The following USP35 variants were observed in gnomAD, a reference collection of about 807,000 sequenced individuals.
USP35 encodes ubiquitin specific peptidase 35.
USP35 carries 69 observed loss-of-function variants against 83.8 expected under a neutral mutation model. The ratio of observed to expected loss-of-function variants is 0.82; its 90% confidence interval spans 0.68 to 1.01. The LOEUF (loss-of-function observed/expected upper bound fraction) is 1.01. Ranked by LOEUF, USP35 falls within the 50% of genes least tolerant of loss-of-function variation. The pLI is 0.00. For missense variants in USP35, 1,503 were observed against 1,362.5 expected, an observed-to-expected ratio of 1.10 and a Z score of -1.62; for synonymous variants, 714 against 589.5, an observed-to-expected ratio of 1.21 and a Z score of -3.06.
At chr11:78,221,600 G>T in the USP35 span, 1 of 805,806 alleles carries the variant, frequency 1.2e-6, no homozygotes, top group Non-Finnish European at 2.1e-6. Context: ...AGTTAGCTAA[G>T]CTGGGAAGTG....
At chr11:78,213,411 G>C (rs539098804) in intron 10 of USP35, among the ~76,000 whole-genome samples, 75 of 152,308 alleles carry the variant, frequency 4.9e-4, no homozygotes, top group African/African-American at 1.7e-3. Context: ...CAGCTAGTCA[G>C]TCACACCCTA....
At chr11:78,201,064 A>G (rs1343167861) in intron 6 of USP35, among the ~76,000 whole-genome samples, 1 of 152,160 alleles carries the variant, frequency 6.6e-6, no homozygotes, top group Non-Finnish European at 1.5e-5. Flanking sequence ...CTTCTCTGTC[A>G]GTGTAGTATG....
chr11:78,206,182 CAG>C lies in USP35; in HGVS notation c.1391+152_1391+153del, dbSNP rs1459522690. 3 of 1,095,696 alleles carry C rather than the reference CAG, an allele frequency of 2.7e-6. No individual in the cohort carries two copies. The East Asian group carries it at 7.4e-5, about 27-fold the overall frequency. 67.9% of individuals were successfully genotyped at this position (1,095,696 alleles called of 1,614,324 possible). A position where few individuals can be genotyped will look rare whatever the true frequency, so the allele number is the denominator to read the frequency against. Reference sequence around the variant, plus strand: ...CATGATTCCCTGAGGTCTGTGGGGACAGAGAGCCTCAGGCCATTGCCAAGGCA... The same window carrying C: ...CATGATTCCCTGAGGTCTGTGGGGACAGAGCCTCAGGCCATTGCCAAGGCA... On this transcript the variant is annotated intron_variant, in intron 7 of 10. Coordinates refer to ENST00000529308, the MANE Select transcript of USP35 (RefSeq NM_020798.4).
chr11:78,226,894 C>T, the USP35 span: 1 of 1,614,056 alleles, frequency 6.2e-7, no homozygotes, highest in Admixed American at 1.7e-5. Context: ...TCTCTGAATT[C>T]TGTATTGTGC....
At chr11:78,236,526 GT>G in the USP35 span, among the ~76,000 whole-genome samples, 2 of 152,220 alleles carry the variant, frequency 1.3e-5, no homozygotes, top group South Asian at 4.1e-4. Context: ...GTAAGAACAG[GT>G]ACTTTCTCCT....
chr11:78,189,808 C>T (rs572818458), intron 1 of USP35, among the ~76,000 whole-genome samples: 1 of 152,350 alleles, frequency 6.6e-6, no homozygotes, highest in South Asian at 2.1e-4. Context: ...TGCTTTTTAC[C>T]AGTGAAACCC....
the USP35 span, among the ~76,000 whole-genome samples, chr11:78,236,431 A>T: frequency 6.6e-6 from 1 of 152,180 alleles, no homozygotes; most frequent in East Asian, 1.9e-4. Flanking sequence ...GATTACAGGC[A>T]TGAACCACCA....
chr11:78,214,377 T>TGAGG lies in USP35; in HGVS notation c.*564_*565insGAGG, dbSNP rs139748612. ...CCTTACCAAGCGCCACTGCATGGTT[T>TGAGG]TGGGGGGGGGGGCGGGGGGCTAGCT... On this transcript the variant is annotated 3_prime_UTR_variant, in exon 11 of 11. Coordinates refer to ENST00000529308, the MANE Select transcript of USP35 (RefSeq NM_020798.4). The TGAGG allele has an allele frequency of 1.9e-5, 1 of 52,888 alleles. No homozygotes were observed. The highest frequency in any genetic ancestry group is 6.4e-4 in the South Asian group (1 of 1,572). 3.3% of individuals were successfully genotyped at this position (52,888 alleles called of 1,614,324 possible). A position where few individuals can be genotyped will look rare whatever the true frequency, so the allele number is the denominator to read the frequency against.
intron 6 of USP35, among the ~76,000 whole-genome samples, chr11:78,203,308 T>C (rs921451174): frequency 1.3e-5 from 2 of 151,894 alleles, no homozygotes; most frequent in African/African-American, 4.8e-5. Flanking sequence ...AGGGGAGGCA[T>C]GGAAGTGGGA....
chr11:78,223,391 C>T, the USP35 span: 72 of 1,499,796 alleles, frequency 4.8e-5, no homozygotes, highest in Admixed American at 1.2e-3. Context: ...AGAGATGGGA[C>T]AGGGGAAAGA....
intron 7 of USP35, among the ~76,000 whole-genome samples, chr11:78,206,644 T>G (rs899342657): frequency 1.3e-5 from 2 of 152,244 alleles, no homozygotes; most frequent in Admixed American, 1.3e-4. Context: ...TGTTTTTCTT[T>G]TCTAATTCCA....
the USP35 span, chr11:78,221,616 C>T: frequency 1.0e-6 from 1 of 986,510 alleles, no homozygotes; most frequent in Non-Finnish European, 1.6e-6. Context: ...AAGTGGGGAA[C>T]TGAGGGGTGG....
the USP35 span, among the ~76,000 whole-genome samples, chr11:78,227,392 C>T: frequency 6.6e-6 from 1 of 152,154 alleles, no homozygotes; most frequent in African/African-American, 2.4e-5. Context: ...TGGAAAGAAC[C>T]TTTAAGTTGA....
At chr11:78,216,211 T>G (rs531846835), downstream of USP35, 134 of 152,536 alleles carry the variant, frequency 8.8e-4, no homozygotes, top group African/African-American at 3.2e-3. Context: ...TTCTCATCGT[T>G]CTCACTTGAC....
At chr11:78,205,028 A>G (rs928109254) in intron 6 of USP35, among the ~76,000 whole-genome samples, 5 of 152,248 alleles carry the variant, frequency 3.3e-5, no homozygotes, top group African/African-American at 1.2e-4. Flanking sequence ...ACTGTTAGGA[A>G]TGTTGCTGAA....
At chr11:78,191,295 G>T (rs576587902) in intron 1 of USP35, among the ~76,000 whole-genome samples, 1 of 152,352 alleles carries the variant, frequency 6.6e-6, no homozygotes, top group Admixed American at 6.5e-5. Flanking sequence ...AAAGGATCTG[G>T]GCCTTTTGGC....
chr11:78,223,214 T>C, the USP35 span, among the ~76,000 whole-genome samples: 1 of 152,172 alleles, frequency 6.6e-6, no homozygotes, highest in Non-Finnish European at 1.5e-5. Flanking sequence ...AGTACTATCC[T>C]AGATGCTCTC....
At chr11:78,223,499 T>C in the USP35 span, 11 of 1,602,632 alleles carry the variant, frequency 6.9e-6, no homozygotes, top group African/African-American at 1.2e-4. Flanking sequence ...GGAAGGGTTG[T>C]TGATGGGTAG....
intron 2 of USP35, 53 bp from the exon 3 acceptor site, chr11:78,197,883 G>A: frequency 6.3e-7 from 1 of 1,590,192 alleles, no homozygotes; most frequent in Non-Finnish European, 8.6e-7. Context: ...GGTGTGCTGG[G>A]GGAAGGGAGG....
Sources: allele counts gnomAD v4.1 joint callset (sites outside exome capture counted in the v4.1 genomes callset), GRCh38; gene constraint gnomAD v4.1.1; transcripts MANE v1.5; gene names NCBI Gene and HGNC (gene_info 2026-07-23, HGNC 2026-07-21).